OR4Q3: variants seen among roughly 807,000 people sequenced by gnomAD.
OR4Q3 encodes olfactory receptor 4Q3.
In OR4Q3, 17 loss-of-function variants were observed where a neutral mutation model predicts 18.8. That is an observed-to-expected ratio of 0.91 (90% confidence interval 0.62 to 1.36). The LOEUF (loss-of-function observed/expected upper bound fraction) is 1.36, where lower values mean the gene tolerates loss of function less well. OR4Q3 is among the 40% of genes most tolerant of loss of function. The pLI is 0.00. For missense variants in OR4Q3, 378 were observed against 373.4 expected (o/e 1.01, Z -0.10); for synonymous variants, 158 against 145.8 (o/e 1.08, Z -0.60).
chr14:19,747,875 T>C, exon 2 of OR4Q3: 1 of 1,614,036 alleles, frequency 6.2e-7, no homozygotes, highest in East Asian at 2.2e-5. Flanking sequence ...TCTTGCCTGC[T>C]GGTGTGGGGG....
exon 2 of OR4Q3, chr14:19,747,413 G>C: frequency 3.2e-6 from 5 of 1,550,454 alleles, no homozygotes; most frequent in East Asian, 2.2e-5. Context: ...TAGGTCACTT[G>C]ATATTCTTGG....
chr14:19,750,680 T>C, downstream of OR4Q3, among the ~76,000 whole-genome samples: 1 of 152,214 alleles, frequency 6.6e-6, no homozygotes, highest in Non-Finnish European at 1.5e-5. Context: ...TGGGAGTTAA[T>C]GACTTTATAT....
At chr14:19,747,470 C>T in exon 2 of OR4Q3, 16 of 1,612,020 alleles carry the variant, frequency 9.9e-6, no homozygotes, top group South Asian at 2.2e-5. Context: ...ATTTGTTCTT[C>T]TGGGCCTATC....
intron 1 of OR4Q3, among the ~76,000 whole-genome samples, chr14:19,744,450 T>A (rs1259341378): frequency 1.3e-5 from 2 of 152,168 alleles, no homozygotes; most frequent in Admixed American, 1.3e-4. Context: ...ACTCCTTTTC[T>A]TCATATTTTC....
intron 1 of OR4Q3, among the ~76,000 whole-genome samples, chr14:19,745,028 C>A: frequency 6.6e-6 from 1 of 151,128 alleles, no homozygotes; most frequent in Non-Finnish European, 1.5e-5. Context: ...CTGAGGATTG[C>A]AAATTTATTG....
At chr14:19,749,907 T>TTTCTTTC, downstream of OR4Q3, among the ~76,000 whole-genome samples, 12 of 8,376 alleles carry the variant, frequency 1.4e-3, no homozygotes, top group South Asian at 0.022. Context: ...TCTTTCTTTC[T>TTTCTTTC]TTTTTCTTTC....
chr14:19,751,213 G>A, downstream of OR4Q3, among the ~76,000 whole-genome samples: 1 of 152,178 alleles, frequency 6.6e-6, no homozygotes, highest in African/African-American at 2.4e-5. Flanking sequence ...GTCTCTGTTT[G>A]TTTCCAGGAA....
chr14:19,748,420 CTT>C, exon 2 of OR4Q3: 1 of 1,364,302 alleles, frequency 7.3e-7, no homozygotes, highest in Non-Finnish European at 1.0e-6. Flanking sequence ...TTGGAAGACT[CTT>C]AACTCATCTT....
downstream of OR4Q3, among the ~76,000 whole-genome samples, chr14:19,750,539 G>A: frequency 6.6e-6 from 1 of 152,156 alleles, no homozygotes; most frequent in African/African-American, 2.4e-5. Flanking sequence ...TTACTTAGCT[G>A]AAAAATATAC....
chr14:19,750,129 T>G, downstream of OR4Q3, among the ~76,000 whole-genome samples: 2 of 151,884 alleles, frequency 1.3e-5, no homozygotes, highest in Non-Finnish European at 2.9e-5. Context: ...GGATTACAGG[T>G]GCTGGCCACC....
chr14:19,747,666 C>T, exon 2 of OR4Q3: 1 of 1,614,032 alleles, frequency 6.2e-7, no homozygotes, highest in East Asian at 2.2e-5. Context: ...GTTACTGTGC[C>T]AAAGATGTTA....
chr14:19,746,644 T>C, intron 1 of OR4Q3, among the ~76,000 whole-genome samples: 2 of 152,208 alleles, frequency 1.3e-5, no homozygotes, highest in Non-Finnish European at 2.9e-5. Context: ...TATTGCTTCT[T>C]ACCTCATTTT....
chr14:19,750,489 C>T, downstream of OR4Q3, among the ~76,000 whole-genome samples: 1 of 152,116 alleles, frequency 6.6e-6, no homozygotes, highest in Non-Finnish European at 1.5e-5. Context: ...TATTTTGTCA[C>T]TTTATCTCCT....
chr14:19,748,657 T>G, exon 2 of OR4Q3: 2 of 377,790 alleles, frequency 5.3e-6, no homozygotes, highest in Non-Finnish European at 9.5e-6. Flanking sequence ...TCTTTATGTC[T>G]CTAAGTACTG....
At chr14:19,747,312 T>A in intron 1 of OR4Q3, 94 bp from the exon 2 acceptor site, 1 of 553,282 alleles carries the variant, frequency 1.8e-6, no homozygotes, top group African/African-American at 2.0e-5. Flanking sequence ...TAAAATAATT[T>A]TTATGTAATT....
chr14:19,744,249 A>G (rs1202681868), intron 1 of OR4Q3, among the ~76,000 whole-genome samples: 1 of 152,196 alleles, frequency 6.6e-6, no homozygotes, highest in African/African-American at 2.4e-5. Flanking sequence ...TGTGTCTAAA[A>G]GGAATTCATA....
downstream of OR4Q3, among the ~76,000 whole-genome samples, chr14:19,750,080 G>T: frequency 6.6e-6 from 1 of 151,858 alleles, no homozygotes; most frequent in Non-Finnish European, 1.5e-5. Flanking sequence ...CGCCTCCCAG[G>T]TTCAAGTGAT....
chr14:19,751,350 T>G, downstream of OR4Q3, among the ~76,000 whole-genome samples: 4 of 152,216 alleles, frequency 2.6e-5, no homozygotes, highest in Non-Finnish European at 5.9e-5. Context: ...CTTTCTTTGT[T>G]TTGTCTCTGC....
At chr14:19,744,569 A>G (rs963156716) in intron 1 of OR4Q3, among the ~76,000 whole-genome samples, 1 of 152,190 alleles carries the variant, frequency 6.6e-6, no homozygotes, top group African/African-American at 2.4e-5. Context: ...TCTTCTCTCC[A>G]AGCAGGACCC....
Sources: gnomAD v4.1 joint callset for allele counts (sites outside exome capture counted in the v4.1 genomes callset) on GRCh38, gnomAD v4.1.1 for gene constraint, MANE v1.5 for transcripts, NCBI Gene and HGNC (gene_info 2026-07-23, HGNC 2026-07-21) for gene names.